The following NCOA7 variants were observed in gnomAD, a reference collection of about 807,000 sequenced individuals.
The protein encoded by NCOA7 is nuclear receptor coactivator 7.
A neutral mutation model predicts 104.3 loss-of-function variants in NCOA7; 45 were observed. The observed-to-expected ratio is 0.43, with a 90% CI of 0.34 to 0.55. The LOEUF is 0.55. Among genes scored for constraint, NCOA7 ranks in the 20% least tolerant of loss-of-function variants. The pLI is 0.02. For synonymous variants in NCOA7, 398 were observed against 402.3 expected (o/e 0.99, Z 0.13); for missense variants, 1,041 against 1,119.7 (o/e 0.93, Z 1.00).
chr6:125,909,727 T>A (rs1786348535), intron 10 of NCOA7, among the ~76,000 whole-genome samples: 1 of 152,122 alleles, frequency 6.6e-6, no homozygotes, highest in South Asian at 2.1e-4. Context: ...GGAGAATCAC[T>A]TGAACTCGGG....
intron 10 of NCOA7, among the ~76,000 whole-genome samples, chr6:125,899,644 GA>G (rs1339792799): frequency 6.6e-6 from 1 of 152,088 alleles, no homozygotes; most frequent in Admixed American, 6.6e-5. Flanking sequence ...ATGAATTTTG[GA>G]AAACCCCTAA....
chr6:125,901,149 C>T lies in NCOA7; in HGVS notation c.2096+10339C>T, dbSNP rs149888354. On this transcript the variant is annotated intron_variant, in intron 10 of 15. Transcript: ENST00000392477. ...TCAGTACTTTCTAGGGCACATTCTT[C>T]TTTCCTTTCTTTACATGTCCTCTTT... Among the ~76,000 whole-genome samples, 748 of 152,338 alleles carry T rather than the reference C, an allele frequency of 4.9e-3. 8 individuals are homozygous for T. The highest frequency in any genetic ancestry group is 0.017 in the African/African-American group (718 of 41,572).
chr6:125,783,001 T>C (rs1250205108), intron 1 of NCOA7, among the ~76,000 whole-genome samples: 1 of 152,118 alleles, frequency 6.6e-6, no homozygotes, highest in Non-Finnish European at 1.5e-5. Flanking sequence ...TGCAAAAGAC[T>C]CATCTGGCCA....
intron 2 of NCOA7, among the ~76,000 whole-genome samples, chr6:125,822,682 C>T (rs1192863774): frequency 6.6e-6 from 1 of 152,104 alleles, no homozygotes; most frequent in East Asian, 1.9e-4. Context: ...TGCCTGTAGT[C>T]CCAGCACTTT....
At chr6:125,841,963 A>G (rs1307688128) in intron 2 of NCOA7, among the ~76,000 whole-genome samples, 2 of 152,218 alleles carry the variant, frequency 1.3e-5, no homozygotes, top group South Asian at 2.1e-4. Flanking sequence ...GTTTATGACA[A>G]TGAAAGTATA....
At chr6:125,781,825 T>C (rs138869427) in intron 1 of NCOA7, among the ~76,000 whole-genome samples, 83 of 152,362 alleles carry the variant, frequency 5.4e-4, no homozygotes, top group Middle Eastern at 3.4e-3. Flanking sequence ...CTCCCAGAAA[T>C]AATCTATGCA....
chr6:125,815,938 A>G (rs901172215), intron 2 of NCOA7, among the ~76,000 whole-genome samples: 1 of 152,248 alleles, frequency 6.6e-6, no homozygotes, highest in African/African-American at 2.4e-5. Context: ...GTAATGTAGT[A>G]TATGATTGGT....
intron 10 of NCOA7, among the ~76,000 whole-genome samples, chr6:125,902,641 C>T (rs898261515): frequency 1.3e-5 from 2 of 152,174 alleles, no homozygotes; most frequent in African/African-American, 4.8e-5. Context: ...TTGTTTCAAG[C>T]ATCAACTCTC....
intron 2 of NCOA7, among the ~76,000 whole-genome samples, chr6:125,849,196 A>T (rs1368138074): frequency 6.6e-6 from 1 of 152,196 alleles, no homozygotes; most frequent in African/African-American, 2.4e-5. Context: ...ACTACAAATG[A>T]TTTCTTTAGC....
chr6:125,840,490 G>A (rs1023796785), intron 2 of NCOA7, among the ~76,000 whole-genome samples: 4 of 151,926 alleles, frequency 2.6e-5, no homozygotes, highest in African/African-American at 9.7e-5. Context: ...ACCATACATG[G>A]TAAGGACCCT....
At chr6:125,831,138 A>G (rs1367052100) in intron 2 of NCOA7, among the ~76,000 whole-genome samples, 3 of 152,200 alleles carry the variant, frequency 2.0e-5, no homozygotes, top group Non-Finnish European at 4.4e-5. Flanking sequence ...TCAGTTTGCT[A>G]TAAATCAGTT....
At chr6:125,928,583 G>A in intron 15 of NCOA7, 53 bp from the exon 16 acceptor site, 1 of 1,559,988 alleles carries the variant, frequency 6.4e-7, no homozygotes, top group Non-Finnish European at 8.6e-7. Context: ...AGAATAGTGT[G>A]TCATGTAACA....
chr6:125,872,295 C>A lies in NCOA7; in HGVS notation c.272-2594C>A, dbSNP rs183551663. Among the ~76,000 whole-genome samples the A allele has an allele frequency of 1.4e-3, 212 of 152,276 alleles. 2 individuals carry two copies. The highest frequency in any genetic ancestry group is 2.1e-4 in the Non-Finnish European group (14 of 68,014). On this transcript the variant is annotated intron_variant, in intron 3 of 15. Coordinates refer to ENST00000392477, the MANE Select transcript of NCOA7 (RefSeq NM_181782.5). ...TAGCTGTGCAATATGTAAACTGTCA[C>A]CAGTTGGTGGCTTTTAGTAGCGCTC...
chr6:125,840,867 G>GTTTTTTTTTTTTTTTTTTTTTTTTTT (rs1305583308), intron 2 of NCOA7, among the ~76,000 whole-genome samples: 1 of 50,658 alleles, frequency 2.0e-5, no homozygotes, highest in Non-Finnish European at 3.8e-5. Flanking sequence ...TTGTTTGGTT[G>GTTTTTTTTTTTTTTTTTTTTTTTTTT]GTTTTTTTTT....
intron 13 of NCOA7, among the ~76,000 whole-genome samples, chr6:125,923,732 C>T (rs948712848): frequency 1.3e-5 from 2 of 152,144 alleles, no homozygotes; most frequent in Admixed American, 6.6e-5. Flanking sequence ...GCCTGTTAGG[C>T]GCTAGGCACT....
intron 2 of NCOA7, among the ~76,000 whole-genome samples, chr6:125,854,265 T>C (rs1481127516): frequency 1.3e-5 from 2 of 152,226 alleles, no homozygotes; most frequent in East Asian, 3.8e-4. Context: ...GACATATCAA[T>C]TAATTACAGA....
intron 2 of NCOA7, chr6:125,818,967 C>G (rs1016693451): frequency 1.3e-5 from 2 of 152,210 alleles, no homozygotes; most frequent in Admixed American, 1.3e-4. Flanking sequence ...ATTATACCAC[C>G]TTACATAAAT....
At chr6:125,904,504 G>A (rs577651647) in intron 10 of NCOA7, among the ~76,000 whole-genome samples, 1 of 152,278 alleles carries the variant, frequency 6.6e-6, no homozygotes, top group Admixed American at 6.5e-5. Context: ...CCAATGCCAT[G>A]TCTTTGCATG....
At chr6:125,827,981 C>T (rs654213) in intron 2 of NCOA7, among the ~76,000 whole-genome samples, 69,132 of 152,082 alleles carry the variant, frequency 0.45, 16,004 homozygotes, top group Admixed American at 0.52. Context: ...GAATTTAATA[C>T]GTTAAGTTTG....
Sources: allele counts gnomAD v4.1 joint callset (sites outside exome capture counted in the v4.1 genomes callset), GRCh38; gene constraint gnomAD v4.1.1; transcripts MANE v1.5; gene names NCBI Gene and HGNC (gene_info 2026-07-23, HGNC 2026-07-21).